Variants in NMNAT2 observed in about 807,000 individuals in gnomAD.
NMNAT2 encodes the protein nicotinamide/nicotinic acid mononucleotide adenylyltransferase 2.
NMNAT2 carries 11 observed loss-of-function variants against 41.6 expected under a neutral mutation model. That is an observed-to-expected ratio of 0.26 (90% CI 0.17 to 0.44). NMNAT2 has a LOEUF of 0.44. Among genes scored for constraint, NMNAT2 ranks in the 20% least tolerant of loss-of-function variants. The pLI is 1.00. For missense variants in NMNAT2, 288 were observed against 407.7 expected, an observed-to-expected ratio of 0.71 and a Z score of 2.53; for synonymous variants, 148 against 151.2, an observed-to-expected ratio of 0.98 and a Z score of 0.16.
intron 1 of NMNAT2, among the ~76,000 whole-genome samples, chr1:183,403,214 A>G (rs575980406): frequency 6.6e-6 from 1 of 152,118 alleles, no homozygotes; most frequent in African/African-American, 2.4e-5. Flanking sequence ...GATTACAGGC[A>G]TGAGCCACTG....
chr1:183,325,988 G>T (rs549725372), intron 1 of NMNAT2, among the ~76,000 whole-genome samples: 1 of 152,148 alleles, frequency 6.6e-6, no homozygotes, highest in Admixed American at 6.6e-5. Flanking sequence ...CAGCACACAA[G>T]TATTTAAGGA....
intron 1 of NMNAT2, among the ~76,000 whole-genome samples, chr1:183,299,800 T>C (rs529940322): frequency 1.3e-5 from 2 of 152,348 alleles, no homozygotes; most frequent in South Asian, 4.1e-4. Context: ...TATAGCTTAC[T>C]TGTGTTGGTT....
intron 1 of NMNAT2, among the ~76,000 whole-genome samples, chr1:183,411,378 G>C (rs538444593): frequency 1.1e-4 from 16 of 152,046 alleles, no homozygotes; most frequent in African/African-American, 3.9e-4. Flanking sequence ...GCAGTGGTGC[G>C]ATCTTGGCTC....
At chr1:183,394,578 C>T (rs1254892683) in intron 1 of NMNAT2, among the ~76,000 whole-genome samples, 1 of 152,180 alleles carries the variant, frequency 6.6e-6, no homozygotes, top group Non-Finnish European at 1.5e-5. Flanking sequence ...TGGGGTAGGA[C>T]AGGAGCAAAA....
At chr1:183,267,345 C>T (rs1660843297) in intron 8 of NMNAT2, 1 of 152,162 alleles carries the variant, frequency 6.6e-6, no homozygotes, top group African/African-American at 2.4e-5. Context: ...ACAACAACAA[C>T]AAACATATTC....
chr1:183,323,725 A>C (rs1662402577), intron 1 of NMNAT2, among the ~76,000 whole-genome samples: 1 of 152,156 alleles, frequency 6.6e-6, no homozygotes, highest in Non-Finnish European at 1.5e-5. Context: ...TCTTCCTTAC[A>C]ACCTTCCCCC....
chr1:183,261,496 G>A (rs1187385648), intron 8 of NMNAT2, among the ~76,000 whole-genome samples, 193 bp from the exon 9 acceptor site: 2 of 152,178 alleles, frequency 1.3e-5, no homozygotes, highest in African/African-American at 4.8e-5. Context: ...AATAGAATAA[G>A]TGAAAGCATT....
chr1:183,340,788 G>A (rs1183724019), intron 1 of NMNAT2, among the ~76,000 whole-genome samples: 2 of 152,206 alleles, frequency 1.3e-5, no homozygotes, highest in African/African-American at 4.8e-5. Context: ...CTGGATTGCT[G>A]GTTTAATTAC....
At chr1:183,291,798 C>A (rs1184067930) in intron 3 of NMNAT2, among the ~76,000 whole-genome samples, 2 of 152,196 alleles carry the variant, frequency 1.3e-5, no homozygotes, top group African/African-American at 4.8e-5. Flanking sequence ...CCTTTCATTT[C>A]TCTGGGCCTG....
At chr1:183,324,841 C>G (rs1330898166) in intron 1 of NMNAT2, among the ~76,000 whole-genome samples, 2 of 152,176 alleles carry the variant, frequency 1.3e-5, no homozygotes, top group East Asian at 3.9e-4. Flanking sequence ...CTTAAACTCC[C>G]CGGGGGCAGG....
chr1:183,336,493 C>G (rs1173742570), intron 1 of NMNAT2, among the ~76,000 whole-genome samples: 1 of 152,120 alleles, frequency 6.6e-6, no homozygotes, highest in Non-Finnish European at 1.5e-5. Flanking sequence ...CACCCAATTT[C>G]CCCCACTGGT....
intron 1 of NMNAT2, among the ~76,000 whole-genome samples, chr1:183,393,787 C>T (rs1458212012): frequency 6.6e-6 from 1 of 152,144 alleles, no homozygotes; most frequent in Non-Finnish European, 1.5e-5. Flanking sequence ...AACTCCTGAC[C>T]TCAGGTAATC....
At chr1:183,391,782 C>T (rs555533677) in intron 1 of NMNAT2, among the ~76,000 whole-genome samples, 1 of 152,328 alleles carries the variant, frequency 6.6e-6, no homozygotes, top group African/African-American at 2.4e-5. Flanking sequence ...CTTCTCTGTG[C>T]TCACCTTACT....
rs1359094366 is a variant in NMNAT2, at chr1:183,261,223, G to A, written c.732C>T (p.Ser244=). Residue 244 remains serine (S), a synonymous_variant, in exon 9 of 11, where the codon TCC becomes TCT. Coordinates refer to ENST00000287713, the MANE Select transcript of NMNAT2 (RefSeq NM_015039.4). ...TCACTTTGTATTTGCGGAGTATTGA[G>A]GAGTGATTCATGATTCGGTCTGTGT... ...AADTDRIMNH[S]SILRKYKNNI... 3 of 1,614,146 alleles carry A rather than the reference G, an allele frequency of 1.9e-6. No homozygotes were observed. Among genetic ancestry groups the A allele is most frequent in the Non-Finnish European group, 2.5e-6 (3 of 1,180,010 alleles).
At chr1:183,274,649 G>A (rs1199033786) in intron 8 of NMNAT2, among the ~76,000 whole-genome samples, 1 of 150,872 alleles carries the variant, frequency 6.6e-6, no homozygotes, top group Non-Finnish European at 1.5e-5. Flanking sequence ...AAGAAATTTT[G>A]AACCTAGTGC....
At chr1:183,369,897 G>A (rs1285128404) in intron 1 of NMNAT2, among the ~76,000 whole-genome samples, 1 of 151,996 alleles carries the variant, frequency 6.6e-6, no homozygotes, top group East Asian at 1.9e-4. Flanking sequence ...TGCAAAATAG[G>A]AAACTGAAGC....
At chr1:183,284,647 G>C in intron 6 of NMNAT2, 63 bp downstream of exon 6, 1 of 1,361,084 alleles carries the variant, frequency 7.3e-7, no homozygotes, top group Non-Finnish European at 1.1e-6. Context: ...CTTTGCTGAA[G>C]GAATGAAGGG....
intron 1 of NMNAT2, among the ~76,000 whole-genome samples, chr1:183,379,866 C>G (rs1456776691): frequency 6.6e-6 from 1 of 152,172 alleles, no homozygotes; most frequent in Admixed American, 6.5e-5. Flanking sequence ...GAAAGATAAA[C>G]AGAGAACCCA....
chr1:183,302,734 T>C (rs1466996359), intron 1 of NMNAT2, among the ~76,000 whole-genome samples: 1 of 152,198 alleles, frequency 6.6e-6, no homozygotes, highest in East Asian at 1.9e-4. Context: ...CTGCTGAATT[T>C]ATTTAAACTA....
Sources: gnomAD v4.1 joint callset for allele counts (sites outside exome capture counted in the v4.1 genomes callset) on GRCh38, gnomAD v4.1.1 for gene constraint, MANE v1.5 for transcripts, NCBI Gene and HGNC (gene_info 2026-07-23, HGNC 2026-07-21) for gene names.